VPS13D: variants seen among roughly 807,000 people sequenced by gnomAD.
VPS13D encodes the protein intermembrane lipid transfer protein VPS13D.
A neutral mutation model predicts 461.9 loss-of-function variants in VPS13D; 187 were observed. The observed-to-expected ratio is 0.40, with a 90% CI of 0.36 to 0.46. The LOEUF (loss-of-function observed/expected upper bound fraction) is 0.46. Ranked by LOEUF, VPS13D falls within the 20% of genes least tolerant of loss-of-function variation. The pLI is 0.60. For missense variants in VPS13D, 4,711 were observed against 5,364.9 expected (o/e 0.88, Z 3.81); for synonymous variants, 1,951 against 1,986.3 (o/e 0.98, Z 0.47).
intron 18 of VPS13D, among the ~76,000 whole-genome samples, chr1:12,275,203 A>G (rs1434478056): frequency 4.6e-5 from 7 of 152,188 alleles, no homozygotes; most frequent in Admixed American, 1.3e-4. Context: ...TGGGTGACAG[A>G]ATGAGACTCC....
intron 13 of VPS13D, among the ~76,000 whole-genome samples, chr1:12,263,222 T>C (rs1641169856): frequency 6.6e-6 from 1 of 152,140 alleles, no homozygotes; most frequent in Non-Finnish European, 1.5e-5. Context: ...AGGGGCTTGT[T>C]TTAAACAGTG....
At chr1:12,471,095 G>A (rs1349553295) in intron 67 of VPS13D, among the ~76,000 whole-genome samples, 2 of 152,174 alleles carry the variant, frequency 1.3e-5, no homozygotes, top group Non-Finnish European at 1.5e-5. Context: ...TGAGGCCAGA[G>A]TTCAAGACTA....
Position 12,277,357 on chromosome 1 carries a change from G to A in VPS13D, c.3769G>A (p.Val1257Met), listed in dbSNP as rs771651771. 21 of 1,614,194 alleles carry A rather than the reference G, an allele frequency of 1.3e-5. No homozygotes were observed. Among genetic ancestry groups the A allele is most frequent in the East Asian group, 2.2e-5 (1 of 44,886 alleles). ...IISDIGYFES[V>M]FVRMEDAALT... Reference sequence around the variant, plus strand: ...CAGTGATATTGGCTACTTTGAATCTGTGTTTGTCAGAATGGAAGATGCAGC... The same window carrying A: ...CAGTGATATTGGCTACTTTGAATCTATGTTTGTCAGAATGGAAGATGCAGC... Residue 1257 changes from valine to methionine, a missense_variant, in exon 19 of 70, where the codon GTG becomes ATG. This residue lies in a region of VPS13D where 4,411 missense variants were observed against 4,937.8 expected (regional missense o/e 0.89). Coordinates refer to ENST00000620676, the MANE Select transcript of VPS13D (RefSeq NM_015378.4).
intron 65 of VPS13D, among the ~76,000 whole-genome samples, chr1:12,423,073 G>A (rs1261804260): frequency 6.6e-6 from 1 of 152,092 alleles, no homozygotes; most frequent in Non-Finnish European, 1.5e-5. Flanking sequence ...TGTTAGGTTG[G>A]TTGTGGCTGT....
At chr1:12,231,764 A>G (rs1639980603) in intron 1 of VPS13D, among the ~76,000 whole-genome samples, 17 of 152,196 alleles carry the variant, frequency 1.1e-4, no homozygotes, top group Non-Finnish European at 2.1e-4. Context: ...CAAAGTGGGC[A>G]GATCGCTTAA....
chr1:12,345,669 TA>T (rs1439734908), intron 43 of VPS13D, among the ~76,000 whole-genome samples, 160 bp downstream of exon 43: 1 of 152,198 alleles, frequency 6.6e-6, no homozygotes, highest in Non-Finnish European at 1.5e-5. Flanking sequence ...AATATGTAGA[TA>T]AGCCAGCCAA....
At chr1:12,487,762 CT>C (rs1383298382) in intron 67 of VPS13D, among the ~76,000 whole-genome samples, 2 of 152,114 alleles carry the variant, frequency 1.3e-5, no homozygotes, top group Admixed American at 6.5e-5. Context: ...GGACACACGC[CT>C]CCCCCACTTC....
At chr1:12,499,456 T>C in intron 68 of VPS13D, 20 of 985,398 alleles carry the variant, frequency 2.0e-5, no homozygotes, top group Non-Finnish European at 2.4e-5. Flanking sequence ...CTATCTCTGG[T>C]CACTGTGAAA....
chr1:12,355,561 ATG>A (rs995157485), intron 47 of VPS13D, among the ~76,000 whole-genome samples: 2 of 152,162 alleles, frequency 1.3e-5, no homozygotes, highest in Non-Finnish European at 2.9e-5. Flanking sequence ...AGTTATTATT[ATG>A]TGTCGATTAA....
chr1:12,303,084 C>T (rs1303711273), intron 25 of VPS13D, among the ~76,000 whole-genome samples: 2 of 152,132 alleles, frequency 1.3e-5, no homozygotes, highest in Non-Finnish European at 2.9e-5. Flanking sequence ...ACCTTCTTCA[C>T]CAGCCATCAT....
intron 68 of VPS13D, chr1:12,500,178 A>AT: frequency 1.0e-6 from 1 of 984,474 alleles, no homozygotes; most frequent in Non-Finnish European, 1.2e-6. Context: ...TAATTTTGTC[A>AT]TTCTATTTAA....
intron 29 of VPS13D, among the ~76,000 whole-genome samples, chr1:12,313,875 C>T (rs558051419): frequency 3.3e-5 from 5 of 152,112 alleles, no homozygotes; most frequent in Non-Finnish European, 7.4e-5. Context: ...CTTCTCATGC[C>T]GTTCCTATGA....
At chr1:12,338,540 A>G (rs1390298037) in intron 40 of VPS13D, among the ~76,000 whole-genome samples, 1 of 152,158 alleles carries the variant, frequency 6.6e-6, no homozygotes, top group Non-Finnish European at 1.5e-5. Context: ...AATAAACTCC[A>G]CAGTGTATGA....
Position 12,333,365 on chromosome 1 carries a change from T to C in VPS13D, c.8427T>C (p.Ile2809=). 1 of 1,613,978 alleles carries C rather than the reference T, an allele frequency of 6.2e-7. No individual in the cohort carries two copies. Among genetic ancestry groups the C allele is most frequent in the Non-Finnish European group, 8.5e-7 (1 of 1,179,916 alleles). Residue 2809 remains isoleucine, a splice_region_variant and synonymous_variant, in exon 38 of 70, where the codon ATT becomes ATC. Coordinates refer to ENST00000620676, the MANE Select transcript of VPS13D (RefSeq NM_015378.4). ...RLDINITSVL[I]DQYVSTKESW... ...ATATCAATATCACTTCTGTGCTAATTGGTGAGTAGAAAGTTGTCTTTCATA... is the reference window on the plus strand; with the variant it reads ...ATATCAATATCACTTCTGTGCTAATCGGTGAGTAGAAAGTTGTCTTTCATA...
At chr1:12,433,258 G>GAAA (rs530607755) in intron 65 of VPS13D, among the ~76,000 whole-genome samples, 7 of 141,082 alleles carry the variant, frequency 5.0e-5, no homozygotes, top group Admixed American at 4.9e-4. Flanking sequence ...AACGCTTGGG[G>GAAA]AAAAAAAAAA....
At chr1:12,306,049 T>C (rs1345554345) in intron 26 of VPS13D, among the ~76,000 whole-genome samples, 2 of 152,066 alleles carry the variant, frequency 1.3e-5, no homozygotes, top group Non-Finnish European at 2.9e-5. Flanking sequence ...AGTGATGCGA[T>C]CTTGGCTCAC....
At position 12,415,266 on chromosome 1, in the gene VPS13D, GT is replaced by G; in HGVS notation, c.12165+48del. On this transcript the variant is annotated intron_variant, in intron 64 of 69. Transcript: ENST00000620676. ...TCATTGGCTGGAGCATAAGCAGAAT[GT>G]TTGTTTTAGTTGTTTGGGAATTTTG... 1.9e-6 allele frequency: 3 copies of G among 1,612,100 alleles called. No individual in the cohort carries two copies. The South Asian group carries it at 3.3e-5, about 18-fold the overall frequency.
intron 30 of VPS13D, 70 bp from the exon 31 acceptor site, chr1:12,318,002 A>T: frequency 6.7e-7 from 1 of 1,490,944 alleles, no homozygotes; most frequent in Non-Finnish European, 9.1e-7. Flanking sequence ...ACTGAGCAGT[A>T]CATTTGCAGG....
chr1:12,467,309 T>C (rs1019354311), intron 67 of VPS13D, among the ~76,000 whole-genome samples: 2 of 152,208 alleles, frequency 1.3e-5, no homozygotes, highest in African/African-American at 4.8e-5. Flanking sequence ...GTAGCTGGGA[T>C]GGCAGGCGCA....
Sources: allele counts gnomAD v4.1 joint callset (sites outside exome capture counted in the v4.1 genomes callset), GRCh38; gene constraint gnomAD v4.1.1; regional missense constraint gnomAD v4.1.1; transcripts MANE v1.5; gene names NCBI Gene and HGNC (gene_info 2026-07-23, HGNC 2026-07-21).